The following RTN3 variants were observed in gnomAD, a reference collection of about 807,000 sequenced individuals.
RTN3 encodes reticulon-3.
In RTN3, 49 loss-of-function variants were observed where a neutral mutation model predicts 77.8. That is an observed-to-expected ratio of 0.63 (90% confidence interval 0.50 to 0.80). RTN3 has a LOEUF of 0.80. RTN3 is among the 30% of genes least tolerant of loss of function. The pLI is 0.00. For synonymous variants in RTN3, 464 were observed against 446.9 expected, an observed-to-expected ratio of 1.04 and a Z score of -0.48; for missense variants, 1,236 against 1,211.9, an observed-to-expected ratio of 1.02 and a Z score of -0.29.
chr11:63,750,441 G>A, intron 4 of RTN3: 1 of 460,890 alleles, frequency 2.2e-6, no homozygotes, highest in Non-Finnish European at 3.9e-6. Flanking sequence ...GTCCTTCAAA[G>A]AAGACTCTAA....
intron 3 of RTN3, among the ~76,000 whole-genome samples, chr11:63,742,762 A>G (rs2013562148): frequency 6.6e-6 from 1 of 152,200 alleles, no homozygotes; most frequent in South Asian, 2.1e-4. Context: ...ATAGCTCTCC[A>G]TTAATTTAGA....
At chr11:63,713,193 T>C (rs1285972616) in intron 2 of RTN3, among the ~76,000 whole-genome samples, 1 of 152,198 alleles carries the variant, frequency 6.6e-6, no homozygotes, top group Non-Finnish European at 1.5e-5. Flanking sequence ...AGATAATATA[T>C]CTCAGTGGAG....
intron 6 of RTN3, 48 bp from the exon 7 acceptor site, chr11:63,753,614 G>T (rs1161106308): frequency 6.6e-7 from 1 of 1,520,444 alleles, no homozygotes; most frequent in Non-Finnish European, 9.1e-7. Context: ...CTTAAGATGT[G>T]ACTGTCTCTC....
chr11:63,756,119 T>C lies in RTN3; in HGVS notation c.3002T>C (p.Ile1001Thr). 3 of 1,612,812 alleles carry C rather than the reference T, an allele frequency of 1.9e-6. No homozygotes were observed. The highest frequency in any genetic ancestry group is 2.5e-6 in the Non-Finnish European group (3 of 1,178,788). Residue 1001 changes from isoleucine (I) to threonine (T), a missense_variant, in exon 8 of 9, where the codon ATT (isoleucine) becomes ACT (threonine). Ile to Thr is a moderately conservative substitution (Grantham distance 89). Transcript: ENST00000377819. ...TATTTTCCTTCCTTAAAGACCCAGA[T>C]TGATCACTATGTTGGCATCGCCCGA... The part of the protein sequence containing the change: ...PIVYEKYKTQ[I>T]DHYVGIARDQ...
At chr11:63,746,707 G>A (rs1257068746) in intron 3 of RTN3, among the ~76,000 whole-genome samples, 1 of 151,890 alleles carries the variant, frequency 6.6e-6, no homozygotes. Flanking sequence ...GTAGAGACGG[G>A]GTTTCACGAT....
chr11:63,755,990 T>G, intron 7 of RTN3, 122 bp from the exon 8 acceptor site: 1 of 695,406 alleles, frequency 1.4e-6, no homozygotes. Context: ...ACTGGGTGTT[T>G]TCATTTTCTA....
chr11:63,706,994 G>T (rs1008204351), intron 2 of RTN3, among the ~76,000 whole-genome samples: 1 of 150,376 alleles, frequency 6.6e-6, no homozygotes, highest in Non-Finnish European at 1.5e-5. Context: ...CCCAAGAATC[G>T]CTCAAGCAGT....
chr11:63,740,448 A>ATTTTTTTTTTTT (rs34045543), intron 3 of RTN3, among the ~76,000 whole-genome samples: 3 of 120,752 alleles, frequency 2.5e-5, no homozygotes, highest in East Asian at 2.3e-4. Flanking sequence ...TGCCTGGCTA[A>ATTTTTTTTTTTT]TTTTTTTTTT....
intron 1 of RTN3, among the ~76,000 whole-genome samples, chr11:63,696,104 A>AC (rs1941925970): frequency 6.6e-6 from 1 of 151,980 alleles, no homozygotes; most frequent in Non-Finnish European, 1.5e-5. Context: ...AAAAAAAAAA[A>AC]AAAACCTATT....
At chr11:63,684,152 T>TTTTTTTTTTTTTTTC (rs1941239426) in intron 1 of RTN3, among the ~76,000 whole-genome samples, 1 of 105,720 alleles carries the variant, frequency 9.5e-6, no homozygotes, top group Non-Finnish European at 2.1e-5. Flanking sequence ...TTTTTTTTTT[T>TTTTTTTTTTTTTTTC]TTGGTTTTTT....
At chr11:63,730,256 C>T (rs1367995239) in intron 3 of RTN3, among the ~76,000 whole-genome samples, 1 of 152,142 alleles carries the variant, frequency 6.6e-6, no homozygotes, top group African/African-American at 2.4e-5. Flanking sequence ...CGTGAGCCAC[C>T]GTGCTCGGCC....
chr11:63,696,258 G>A (rs1487835641), intron 1 of RTN3, among the ~76,000 whole-genome samples: 6 of 151,738 alleles, frequency 4.0e-5, no homozygotes, highest in African/African-American at 9.7e-5. Flanking sequence ...TTAGCCAGAC[G>A]TGATGGTGCG....
chr11:63,749,309 G>A (rs1476759529), intron 3 of RTN3, among the ~76,000 whole-genome samples: 1 of 152,100 alleles, frequency 6.6e-6, no homozygotes, highest in African/African-American at 2.4e-5. Flanking sequence ...TTGTGGCTTG[G>A]ATAATTATAT....
intron 4 of RTN3, among the ~76,000 whole-genome samples, chr11:63,752,066 G>A (rs978867436): frequency 6.6e-6 from 1 of 150,930 alleles, no homozygotes; most frequent in African/African-American, 2.4e-5. Flanking sequence ...AAATACAAAT[G>A]TGGTTTTCCA....
chr11:63,741,428 C>CT (rs2013471964), intron 3 of RTN3, among the ~76,000 whole-genome samples: 1 of 151,708 alleles, frequency 6.6e-6, no homozygotes, highest in Non-Finnish European at 1.5e-5. Context: ...TCCCAAATTC[C>CT]TGACCTTAAG....
chr11:63,755,248 T>A (rs1472921762), intron 7 of RTN3, among the ~76,000 whole-genome samples: 1 of 152,184 alleles, frequency 6.6e-6, no homozygotes, highest in Non-Finnish European at 1.5e-5. Flanking sequence ...AGAAAATACT[T>A]ACCAAGTAAG....
intron 3 of RTN3, among the ~76,000 whole-genome samples, chr11:63,748,011 G>A (rs549156946): frequency 6.6e-6 from 1 of 152,046 alleles, no homozygotes; most frequent in East Asian, 1.9e-4. Context: ...TTCATAGACA[G>A]AAATACAAAA....
At position 63,720,591 on chromosome 11, in the gene RTN3, G is replaced by A. The variant is rs2011700050; in HGVS notation, c.2089G>A (p.Glu697Lys). 2 of 1,613,894 alleles carry A rather than the reference G, an allele frequency of 1.2e-6. No individual in the cohort carries two copies. The highest frequency in any genetic ancestry group is 1.7e-6 in the Non-Finnish European group (2 of 1,180,002). ...TCCTGTAGAAGTCTTACATGAAAATGAGTCCGGTGGTTCTGAAATTAAAGA... is the reference window on the plus strand; with the variant it reads ...TCCTGTAGAAGTCTTACATGAAAATAAGTCCGGTGGTTCTGAAATTAAAGA... ...TPPVEVLHENESGGSEIKDIG... is the reference protein window; with the variant it reads ...TPPVEVLHENKSGGSEIKDIG... The change falls in exon 3 of 9, where the codon GAG (glutamate) becomes AAG (lysine). Residue 697 changes from glutamate to lysine, a missense_variant. Coordinates refer to ENST00000377819, the MANE Select transcript of RTN3 (RefSeq NM_001265589.2).
At chr11:63,735,598 CTCTT>C (rs1251025113) in intron 3 of RTN3, among the ~76,000 whole-genome samples, 57 of 147,876 alleles carry the variant, frequency 3.9e-4, no homozygotes, top group African/African-American at 1.2e-3. Context: ...CTCTCTCTCT[CTCTT>C]TCTTTCAACC....
Sources: gnomAD v4.1 joint callset for allele counts (sites outside exome capture counted in the v4.1 genomes callset) on GRCh38, gnomAD v4.1.1 for gene constraint, MANE v1.5 for transcripts, NCBI Gene and HGNC (gene_info 2026-07-23, HGNC 2026-07-21) for gene names.